The following GALK2 variants were observed in gnomAD, a reference collection of about 807,000 sequenced individuals.
GALK2 encodes N-acetylgalactosamine kinase.
In GALK2, 36 loss-of-function variants were observed where a neutral mutation model predicts 52.4. That is an observed-to-expected ratio of 0.69 (90% CI 0.53 to 0.91). GALK2 has a LOEUF of 0.91. GALK2 is among the 40% of genes least tolerant of loss of function. The pLI, the probability that GALK2 is intolerant of heterozygous loss-of-function variation, is 0.00. For synonymous variants in GALK2, 176 were observed against 199.1 expected (o/e 0.88, Z 0.98); for missense variants, 579 against 559.1 (o/e 1.04, Z -0.36).
chr15:49,160,230 G>A (rs2084603476), intron 1 of GALK2, among the ~76,000 whole-genome samples: 1 of 151,960 alleles, frequency 6.6e-6, no homozygotes, highest in Non-Finnish European at 1.5e-5. Flanking sequence ...AGCCAAGATT[G>A]CGCCACTGTA....
chr15:49,175,640 C>T (rs910625882), intron 1 of GALK2, among the ~76,000 whole-genome samples: 6 of 152,078 alleles, frequency 3.9e-5, no homozygotes, highest in Admixed American at 2.0e-4. Flanking sequence ...TCTGAGCCAT[C>T]TGAGGTATGT....
intron 3 of GALK2, among the ~76,000 whole-genome samples, chr15:49,354,597 C>A (rs1019571227): frequency 2.0e-5 from 3 of 152,202 alleles, no homozygotes; most frequent in African/African-American, 7.2e-5. Flanking sequence ...AAGGGTCCTA[C>A]GCCCACGGAG....
chr15:49,195,180 T>C, intron 1 of GALK2: 1 of 437,760 alleles, frequency 2.3e-6, no homozygotes, highest in African/African-American at 2.1e-5. Flanking sequence ...GAAGTGATTC[T>C]CCTGCCTCCG....
chr15:49,309,685 A>T (rs545338604), intron 8 of GALK2, among the ~76,000 whole-genome samples: 16 of 151,336 alleles, frequency 1.1e-4, no homozygotes, highest in African/African-American at 3.9e-4. Context: ...CAATGGCATG[A>T]TCTTGGCTCC....
intron 5 of GALK2, among the ~76,000 whole-genome samples, chr15:49,279,309 A>C (rs1213422629): frequency 2.6e-5 from 4 of 152,234 alleles, no homozygotes; most frequent in Non-Finnish European, 4.4e-5. Context: ...AATAAGCATA[A>C]ATTTCTCAAA....
intron 8 of GALK2, among the ~76,000 whole-genome samples, chr15:49,300,440 A>C (rs2035011480): frequency 6.6e-6 from 1 of 152,090 alleles, no homozygotes; most frequent in Admixed American, 6.6e-5. Flanking sequence ...TTTAAATTCC[A>C]AGCTAATATT....
At chr15:49,226,105 A>G (rs998543789) in intron 3 of GALK2, among the ~76,000 whole-genome samples, 12 of 152,084 alleles carry the variant, frequency 7.9e-5, no homozygotes, top group African/African-American at 2.9e-4. Flanking sequence ...GGGGATGGGC[A>G]CCTATGGCTG....
At chr15:49,229,221 C>G (rs770712248) in intron 3 of GALK2, among the ~76,000 whole-genome samples, 1 of 152,118 alleles carries the variant, frequency 6.6e-6, no homozygotes. Flanking sequence ...TGTATAATTC[C>G]TTTGGCTATA....
At chr15:49,334,718 C>T (rs1187850393), downstream of GALK2, among the ~76,000 whole-genome samples, 3 of 152,094 alleles carry the variant, frequency 2.0e-5, no homozygotes, top group South Asian at 2.1e-4. Flanking sequence ...ACTGGTGGTC[C>T]TCCATTTACT....
chr15:49,354,822 G>C (rs2042845678), intron 3 of GALK2, among the ~76,000 whole-genome samples: 1 of 151,930 alleles, frequency 6.6e-6, no homozygotes, highest in Non-Finnish European at 1.5e-5. Flanking sequence ...AGTAACCTCT[G>C]CAGACTTAAA....
At chr15:49,299,774 TCTTTCTTTC>T (rs2034920427) in intron 8 of GALK2, among the ~76,000 whole-genome samples, 1 of 143,284 alleles carries the variant, frequency 7.0e-6, no homozygotes, top group African/African-American at 2.7e-5. Context: ...TTTCTTTCTT[TCTTTCTTTC>T]TTTCTTTCTT....
intron 5 of GALK2, among the ~76,000 whole-genome samples, chr15:49,245,604 C>T (rs546872910): frequency 6.6e-6 from 1 of 152,050 alleles, no homozygotes; most frequent in Non-Finnish European, 1.5e-5. Flanking sequence ...AATCAATGGC[C>T]TAGGGTGAGG....
At position 49,331,759 on chromosome 15, in the gene GALK2, AT is replaced by A; in HGVS notation, c.*3604del. On this transcript the variant is annotated 3_prime_UTR_variant, in exon 10 of 10. Coordinates refer to ENST00000560031, the MANE Select transcript of GALK2 (RefSeq NM_002044.4). ...GAAGCTAGAGAGAGAATTCTCAATT[AT>A]TTTCAGAAAGAAAACCTACCAGTTT... 1 of 1,459,078 alleles carries A rather than the reference AT, an allele frequency of 6.9e-7. No homozygotes were observed. The highest frequency in any genetic ancestry group is 9.6e-7 in the Non-Finnish European group (1 of 1,039,154). The allele number at this position is 1,459,078 out of a possible 1,614,324, so 90.4% of individuals were successfully genotyped here. A position where few individuals can be genotyped will look rare whatever the true frequency, so the allele number is the denominator to read the frequency against.
At chr15:49,170,092 G>A (rs2084960923), upstream of GALK2, 10 of 923,736 alleles carry the variant, frequency 1.1e-5, no homozygotes, top group Middle Eastern at 3.7e-4. Flanking sequence ...GAGCAGGACG[G>A]AGGCTGTACC....
chr15:49,259,345 C>G (rs568112401), intron 5 of GALK2, among the ~76,000 whole-genome samples: 1 of 121,336 alleles, frequency 8.2e-6, no homozygotes, highest in Non-Finnish European at 1.7e-5. Flanking sequence ...CCCCTCCCCC[C>G]ACCCCACAAC....
At chr15:49,333,861 C>A (rs996901614), downstream of GALK2, among the ~76,000 whole-genome samples, 36 of 152,064 alleles carry the variant, frequency 2.4e-4, no homozygotes, top group African/African-American at 8.2e-4. Context: ...ATTTTTCTTG[C>A]TTCATTGAGG....
At position 49,339,062 on chromosome 15, in the gene GALK2, T is replaced by C. The variant is rs942116037; in HGVS notation, c.426+19257T>C. 2.0e-5 allele frequency among the ~76,000 whole-genome samples: 3 copies of C among 152,330 alleles called. No individual in the cohort carries two copies. The East Asian group carries it at 5.8e-4, about 29-fold the overall frequency. ...TTTCAAGGTTCTTAGCTTGCTTGCA[T>C]TGGGTCAGAACATAACTCCTTTAGC... is the stretch of plus-strand genomic sequence containing the variant. On this transcript the variant is annotated intron_variant, in intron 3 of 3. Transcript: ENST00000558399.
chr15:49,268,050 G>A (rs2092415623), intron 5 of GALK2, among the ~76,000 whole-genome samples: 1 of 152,148 alleles, frequency 6.6e-6, no homozygotes, highest in African/African-American at 2.4e-5. Context: ...TGGTGGGTTA[G>A]CAGGGAAATG....
intron 1 of GALK2, among the ~76,000 whole-genome samples, chr15:49,176,739 T>C (rs952689133): frequency 6.6e-6 from 1 of 152,170 alleles, no homozygotes; most frequent in Non-Finnish European, 1.5e-5. Flanking sequence ...TACCGACATT[T>C]TATTTAGGGT....
Sources: allele counts gnomAD v4.1 joint callset (sites outside exome capture counted in the v4.1 genomes callset), GRCh38; gene constraint gnomAD v4.1.1; transcripts MANE v1.5; gene names NCBI Gene and HGNC (gene_info 2026-07-23, HGNC 2026-07-21).